SKIC3: variants seen among roughly 807,000 people sequenced by gnomAD.
SKIC3 encodes SKI3 subunit of superkiller complex, also known as superkiller complex protein 3.
At chr5:95,528,903 G>T in the SKIC3 span, 1 of 947,322 alleles carries the variant, frequency 1.1e-6, no homozygotes, top group Non-Finnish European at 1.7e-6. Context: ...ACAAAATATA[G>T]CATTTTGGTT....
At chr5:95,549,022 C>T in the SKIC3 span, among the ~76,000 whole-genome samples, 1 of 151,910 alleles carries the variant, frequency 6.6e-6, no homozygotes, top group Non-Finnish European at 1.5e-5. Flanking sequence ...AGAATATAAT[C>T]TAAATCAAGA....
the SKIC3 span, among the ~76,000 whole-genome samples, chr5:95,472,822 A>G: frequency 6.6e-6 from 1 of 152,074 alleles, no homozygotes; most frequent in East Asian, 1.9e-4. Flanking sequence ...CGTGTGCTCA[A>G]TGTTTAGCTC....
chr5:95,492,652 GAAAAAAAAAAAAAA>G, the SKIC3 span, among the ~76,000 whole-genome samples: 22 of 48,842 alleles, frequency 4.5e-4, no homozygotes, highest in South Asian at 8.4e-3. Flanking sequence ...AAAAAAAAAA[GAAAAAAAAAAAAAA>G]AAAAAAAAAA....
At chr5:95,488,545 GA>G in the SKIC3 span, among the ~76,000 whole-genome samples, 4 of 152,044 alleles carry the variant, frequency 2.6e-5, no homozygotes, top group Non-Finnish European at 5.9e-5. Flanking sequence ...CTGCTGAAAA[GA>G]AAAAAACTGT....
At chr5:95,464,406 AAT>A in the SKIC3 span, 1 of 511,752 alleles carries the variant, frequency 2.0e-6, no homozygotes, top group African/African-American at 2.3e-5. Flanking sequence ...TCCCAAATTA[AAT>A]TTTTTTTTTT....
chr5:95,484,383 G>A, the SKIC3 span, among the ~76,000 whole-genome samples: 1 of 107,992 alleles, frequency 9.3e-6, no homozygotes, highest in African/African-American at 3.7e-5. Context: ...ATCTCATTCT[G>A]TTGCCCAGGC....
At chr5:95,510,488 C>T in the SKIC3 span, among the ~76,000 whole-genome samples, 2 of 152,188 alleles carry the variant, frequency 1.3e-5, no homozygotes, top group Non-Finnish European at 2.9e-5. Flanking sequence ...TGACCCTCCC[C>T]AAATTGTTCC....
At chr5:95,468,331 C>CT in the SKIC3 span, among the ~76,000 whole-genome samples, 6 of 152,104 alleles carry the variant, frequency 3.9e-5, no homozygotes, top group Admixed American at 3.9e-4. Flanking sequence ...TTATAATCTA[C>CT]TTTGAGTGCT....
At chr5:95,537,635 T>A in the SKIC3 span, among the ~76,000 whole-genome samples, 2 of 152,200 alleles carry the variant, frequency 1.3e-5, no homozygotes, top group Non-Finnish European at 2.9e-5. Flanking sequence ...ACTTCTCTTA[T>A]GCAGTATTAG....
chr5:95,513,710 G>T, the SKIC3 span: 1 of 1,495,334 alleles, frequency 6.7e-7, no homozygotes, highest in South Asian at 1.1e-5. Context: ...AATACAAAAT[G>T]AAACTGTCTA....
chr5:95,507,945 T>C, the SKIC3 span, among the ~76,000 whole-genome samples: 21 of 139,398 alleles, frequency 1.5e-4, no homozygotes, highest in Admixed American at 2.8e-4. Context: ...AAAAAAAAAA[T>C]AGCAAACACC....
the SKIC3 span, among the ~76,000 whole-genome samples, chr5:95,500,363 G>A: frequency 3.3e-5 from 5 of 152,264 alleles, no homozygotes; most frequent in African/African-American, 1.2e-4. Flanking sequence ...ATCAAACAAT[G>A]TCATTATGCT....
chr5:95,471,021 A>G, the SKIC3 span, among the ~76,000 whole-genome samples: 1 of 152,198 alleles, frequency 6.6e-6, no homozygotes, highest in Non-Finnish European at 1.5e-5. Context: ...TCAAACATTA[A>G]ATTATATAAC....
chr5:95,498,869 C>T, the SKIC3 span, among the ~76,000 whole-genome samples: 1 of 152,204 alleles, frequency 6.6e-6, no homozygotes, highest in African/African-American at 2.4e-5. Flanking sequence ...TCGTGATCCG[C>T]CCATCTCGGC....
the SKIC3 span, among the ~76,000 whole-genome samples, chr5:95,508,063 G>GT: frequency 4.6e-5 from 7 of 152,098 alleles, no homozygotes; most frequent in Non-Finnish European, 1.0e-4. Flanking sequence ...CAAAATAGTG[G>GT]TTTTTCATAT....
the SKIC3 span, among the ~76,000 whole-genome samples, chr5:95,484,428 C>T: frequency 7.4e-5 from 11 of 147,870 alleles, no homozygotes; most frequent in African/African-American, 2.0e-4. Flanking sequence ...CTCACTGCAA[C>T]GTCAAATTCC....
the SKIC3 span, among the ~76,000 whole-genome samples, chr5:95,515,833 C>A: frequency 3.8e-3 from 575 of 152,158 alleles, 4 homozygotes; most frequent in South Asian, 7.3e-3. Flanking sequence ...CAAACATGAC[C>A]TATAAACATA....
At chr5:95,537,292 C>A in the SKIC3 span, 1 of 731,594 alleles carries the variant, frequency 1.4e-6, no homozygotes. Context: ...AAAAAATGTA[C>A]ATGTAAGTTT....
At chr5:95,548,990 G>A in the SKIC3 span, among the ~76,000 whole-genome samples, 224 of 152,024 alleles carry the variant, frequency 1.5e-3, no homozygotes, top group African/African-American at 5.3e-3. Context: ...TATTTGCTGT[G>A]CACGATATAA....
Sources: gnomAD v4.1 joint callset for allele counts (sites outside exome capture counted in the v4.1 genomes callset) on GRCh38, gnomAD v4.1.1 for gene constraint, MANE v1.5 for transcripts, NCBI Gene and HGNC (gene_info 2026-07-23, HGNC 2026-07-21) for gene names.